TRIM2: variants seen among roughly 807,000 people sequenced by gnomAD.
TRIM2 encodes the protein tripartite motif containing 2.
In TRIM2, 20 loss-of-function variants were observed where a neutral mutation model predicts 75.2. The observed-to-expected ratio is 0.27, with a 90% CI of 0.19 to 0.39. The LOEUF is 0.39. Ranked by LOEUF, TRIM2 falls within the 10% of genes least tolerant of loss-of-function variation. The pLI is 1.00. For synonymous variants in TRIM2, 373 were observed against 388.3 expected, an observed-to-expected ratio of 0.96 and a Z score of 0.46; for missense variants, 660 against 990.8, an observed-to-expected ratio of 0.67 and a Z score of 4.48.
chr4:153,217,402 G>T (rs1738778916), intron 1 of TRIM2, among the ~76,000 whole-genome samples: 1 of 152,178 alleles, frequency 6.6e-6, no homozygotes, highest in Non-Finnish European at 1.5e-5. Context: ...AGGGGAAGAT[G>T]AAGAAAAGGC....
chr4:153,250,301 G>A (rs1750550652), intron 1 of TRIM2, among the ~76,000 whole-genome samples: 1 of 152,034 alleles, frequency 6.6e-6, no homozygotes, highest in Non-Finnish European at 1.5e-5. Context: ...TGTATTTTTA[G>A]TAGTGACGGG....
upstream of TRIM2, among the ~76,000 whole-genome samples, chr4:153,201,390 G>C (rs1222644489): frequency 6.6e-6 from 1 of 151,902 alleles, no homozygotes; most frequent in Non-Finnish European, 1.5e-5. Context: ...CTTTAGGTTG[G>C]GTTGTTTGTC....
intron 1 of TRIM2, among the ~76,000 whole-genome samples, chr4:153,177,959 G>A (rs1298278192): frequency 3.3e-5 from 5 of 151,958 alleles, no homozygotes; most frequent in South Asian, 2.1e-4. Context: ...ACACCACCAC[G>A]CCTGGCTAAT....
rs192239408 is a variant in TRIM2, at chr4:153,305,956, G to A, written c.1511-9529G>A. Among the ~76,000 whole-genome samples the A allele has an allele frequency of 3.1e-3, 477 of 152,224 alleles. 4 individuals carry two copies. Among genetic ancestry groups the A allele is most frequent in the African/African-American group, 0.011 (455 of 41,540 alleles). ...TTGAGACCAGCCTGACCAACATGGT[G>A]AAACCCCGTCTCTACTAAAAACACA... is the stretch of plus-strand genomic sequence containing the variant. On this transcript the variant is annotated intron_variant, in intron 6 of 11. Coordinates refer to ENST00000338700, the MANE Select transcript of TRIM2 (RefSeq NM_015271.5).
intron 1 of TRIM2, among the ~76,000 whole-genome samples, chr4:153,250,171 G>A (rs562900403): frequency 1.3e-5 from 2 of 151,758 alleles, no homozygotes; most frequent in African/African-American, 4.8e-5. Flanking sequence ...CCAGACTGGA[G>A]TACAGAGGCC....
intron 1 of TRIM2, among the ~76,000 whole-genome samples, chr4:153,219,910 G>T (rs1190023436): frequency 6.6e-6 from 1 of 152,114 alleles, no homozygotes; most frequent in African/African-American, 2.4e-5. Flanking sequence ...AAAATAAAAT[G>T]AAGGAAATAG....
In TRIM2 at chr4:153,270,432, T is replaced by C. The variant is rs1206900678; in HGVS notation, c.128T>C (p.Ile43Thr). 1 of 1,614,034 alleles carries C rather than the reference T, an allele frequency of 6.2e-7. No individual in the cohort carries two copies. Among genetic ancestry groups the C allele is most frequent in the African/African-American group, 1.3e-5 (1 of 75,024 alleles). ...TNIPSPVVRQ[I>T]DKQFLICSIC... Reference sequence around the variant, plus strand: ...ATCCCAAGTCCTGTGGTGCGCCAGATTGACAAGCAGTTTCTGATTTGCAGT... The same window carrying C: ...ATCCCAAGTCCTGTGGTGCGCCAGACTGACAAGCAGTTTCTGATTTGCAGT... The change falls in exon 2 of 12, where the codon ATT (isoleucine) becomes ACT (threonine). Residue 43 changes from isoleucine (I) to threonine (T), a missense_variant. Around this residue, in one of 2 missense-constraint regions of TRIM2, gnomAD observed 620 missense variants for 891.0 expected, o/e 0.70. Coordinates refer to ENST00000338700, the MANE Select transcript of TRIM2 (RefSeq NM_015271.5).
chr4:153,159,825 G>T (rs542093401), intron 1 of TRIM2, among the ~76,000 whole-genome samples: 2 of 152,264 alleles, frequency 1.3e-5, no homozygotes, highest in South Asian at 2.1e-4. Context: ...CAGTAGCTCC[G>T]AGTTTAATTA....
intron 6 of TRIM2, chr4:153,308,780 TG>T: frequency 7.9e-6 from 4 of 505,656 alleles, no homozygotes; most frequent in Admixed American, 2.2e-5. Context: ...GAAGCTGGGC[TG>T]GGCACCAAGA....
intron 1 of TRIM2, among the ~76,000 whole-genome samples, chr4:153,214,754 C>G (rs931935418): frequency 1.3e-5 from 2 of 152,072 alleles, no homozygotes; most frequent in Non-Finnish European, 2.9e-5. Flanking sequence ...ATCAGGCCTC[C>G]CCTAGGTAAG....
chr4:153,214,530 G>C (rs1203748895), intron 1 of TRIM2, among the ~76,000 whole-genome samples: 1 of 152,220 alleles, frequency 6.6e-6, no homozygotes, highest in Non-Finnish European at 1.5e-5. Flanking sequence ...AACCAGAACT[G>C]TTTACCCTAC....
chr4:153,296,227 TCTC>T (rs1198317028), intron 6 of TRIM2, among the ~76,000 whole-genome samples, 191 bp downstream of exon 6: 2 of 152,184 alleles, frequency 1.3e-5, no homozygotes, highest in Non-Finnish European at 1.5e-5. Context: ...GGTATTTCCT[TCTC>T]CTCCGCCTCT....
chr4:153,325,491 G>A (rs911087499), intron 10 of TRIM2, among the ~76,000 whole-genome samples: 1 of 152,196 alleles, frequency 6.6e-6, no homozygotes, highest in Non-Finnish European at 1.5e-5. Context: ...AAAGAAGGAC[G>A]GAAGTAGAGA....
intron 1 of TRIM2, among the ~76,000 whole-genome samples, chr4:153,173,761 G>C (rs1731119009): frequency 6.6e-6 from 1 of 151,904 alleles, no homozygotes; most frequent in Admixed American, 6.6e-5. Context: ...GAGGTCAGGA[G>C]TTCAAGACCA....
intron 1 of TRIM2, among the ~76,000 whole-genome samples, chr4:153,164,805 G>A (rs760068606): frequency 5.9e-5 from 9 of 151,980 alleles, no homozygotes; most frequent in South Asian, 2.1e-4. Flanking sequence ...CTTACTTATA[G>A]TACAAGTCTT....
intron 1 of TRIM2, among the ~76,000 whole-genome samples, chr4:153,180,712 A>T (rs1458158282): frequency 6.6e-6 from 1 of 152,162 alleles, no homozygotes; most frequent in Admixed American, 6.5e-5. Flanking sequence ...TCCTGAGCTC[A>T]AGTGATCTGC....
intron 1 of TRIM2, among the ~76,000 whole-genome samples, chr4:153,215,835 G>T (rs1266085091): frequency 6.6e-6 from 1 of 151,980 alleles, no homozygotes. Flanking sequence ...GTGGATAGAA[G>T]ATTTCAAAAG....
intron 2 of TRIM2, among the ~76,000 whole-genome samples, chr4:153,272,086 C>G (rs929118978): frequency 6.6e-6 from 1 of 152,230 alleles, no homozygotes; most frequent in Non-Finnish European, 1.5e-5. Context: ...AGTCCTTACA[C>G]AATGCTCTGT....
intron 1 of TRIM2, among the ~76,000 whole-genome samples, chr4:153,255,033 C>A (rs932908503): frequency 6.6e-6 from 1 of 152,152 alleles, no homozygotes; most frequent in Non-Finnish European, 1.5e-5. Flanking sequence ...CCCCGCACAC[C>A]TCCCTGGCCC....
Sources: allele counts gnomAD v4.1 joint callset (sites outside exome capture counted in the v4.1 genomes callset), GRCh38; gene constraint gnomAD v4.1.1; regional missense constraint gnomAD v4.1.1; transcripts MANE v1.5; gene names NCBI Gene and HGNC (gene_info 2026-07-23, HGNC 2026-07-21).